The following KCNT2 variants were observed in gnomAD, a reference collection of about 807,000 sequenced individuals.
The protein encoded by KCNT2 is potassium sodium-activated channel subfamily T member 2.
A neutral mutation model predicts 153.8 loss-of-function variants in KCNT2; 67 were observed. The ratio of observed to expected loss-of-function variants is 0.44; its 90% confidence interval spans 0.36 to 0.53. The LOEUF (loss-of-function observed/expected upper bound fraction) is 0.53, where lower values mean the gene tolerates loss of function less well. KCNT2 is among the 20% of genes least tolerant of loss of function. The pLI, the probability that KCNT2 is intolerant of heterozygous loss-of-function variation, is 0.00. For synonymous variants in KCNT2, 500 were observed against 458.8 expected (o/e 1.09, Z -1.15); for missense variants, 975 against 1,354.8 (o/e 0.72, Z 4.40).
intron 26 of KCNT2, among the ~76,000 whole-genome samples, chr1:196,254,336 T>A (rs1310312703): frequency 6.6e-6 from 1 of 151,398 alleles, no homozygotes; most frequent in Non-Finnish European, 1.5e-5. Flanking sequence ...ACACACACAC[T>A]CATTTATATT....
At chr1:196,230,925 G>T (rs904317206) in intron 27 of KCNT2, among the ~76,000 whole-genome samples, 5 of 151,966 alleles carry the variant, frequency 3.3e-5, no homozygotes, top group Admixed American at 3.3e-4. Flanking sequence ...TTCAAAAGAA[G>T]TTCCACTTCG....
chr1:196,325,701 G>A (rs1002915228), intron 19 of KCNT2, among the ~76,000 whole-genome samples: 2 of 152,014 alleles, frequency 1.3e-5, no homozygotes, highest in Non-Finnish European at 2.9e-5. Context: ...TGCCAAAGAA[G>A]TATAGAAAAA....
intron 13 of KCNT2, among the ~76,000 whole-genome samples, chr1:196,391,888 A>G (rs772223110): frequency 6.6e-6 from 1 of 151,452 alleles, no homozygotes; most frequent in Non-Finnish European, 1.5e-5. Context: ...AAAGAAATAA[A>G]AAACATAAAT....
rs1227250394 is a variant in KCNT2, at chr1:196,226,127, A to G, written c.*2097T>C. On this transcript the variant is annotated 3_prime_UTR_variant, in exon 28 of 28. Coordinates refer to ENST00000294725, the MANE Select transcript of KCNT2 (RefSeq NM_198503.5). ...AACAAAATTTTTAGTTATATAGGAA[A>G]TATAATCATATCCTAGCTTAAAATC... 6.6e-6 allele frequency: 1 copy of G among 152,046 alleles called. No individual in the cohort carries two copies. Among genetic ancestry groups the G allele is most frequent in the Non-Finnish European group, 1.5e-5 (1 of 67,912 alleles). 9.4% of individuals were successfully genotyped at this position (152,046 alleles called of 1,614,324 possible).
chr1:196,571,777 G>T (rs1419010506), intron 1 of KCNT2, among the ~76,000 whole-genome samples: 1 of 152,026 alleles, frequency 6.6e-6, no homozygotes, highest in African/African-American at 2.4e-5. Flanking sequence ...CCACAGAAAG[G>T]GTCAGCTCAG....
chr1:196,316,093 G>C, intron 20 of KCNT2, 67 bp from the exon 21 acceptor site: 4 of 1,415,422 alleles, frequency 2.8e-6, no homozygotes, highest in Non-Finnish European at 3.9e-6. Flanking sequence ...CAGTGCTAAA[G>C]TCTAGCACTA....
In KCNT2 at chr1:196,429,545, A is replaced by G. The variant is rs185086150; in HGVS notation, c.819+32T>C. On this transcript the variant is annotated intron_variant, in intron 9 of 27. Coordinates refer to ENST00000294725, the MANE Select transcript of KCNT2 (RefSeq NM_198503.5). ...AGGATTCAATTTCATGTCTCTGTAC[A>G]TTTCTATGCAATATAAGATGGTTTT... The G allele has an allele frequency of 3.1e-4, 454 of 1,472,452 alleles. 3 individuals carry two copies. The East Asian group carries it at 8.9e-3, about 29-fold the overall frequency. 91.2% of individuals were successfully genotyped at this position (1,472,452 alleles called of 1,614,324 possible).
intron 8 of KCNT2, 30 bp from the exon 9 acceptor site, chr1:196,429,787 A>G (rs1315816124): frequency 1.3e-6 from 2 of 1,489,592 alleles, no homozygotes; most frequent in Non-Finnish European, 1.8e-6. Context: ...TTACAATTAA[A>G]TCTTTCAAAC....
At chr1:196,292,811 C>CAAAAAAAA (rs750026564) in intron 22 of KCNT2, among the ~76,000 whole-genome samples, 1 of 69,288 alleles carries the variant, frequency 1.4e-5, no homozygotes, top group Non-Finnish European at 2.7e-5. Flanking sequence ...GACTCTGTCT[C>CAAAAAAAA]AAAAAAAAAA....
intron 25 of KCNT2, among the ~76,000 whole-genome samples, chr1:196,277,413 T>C (rs918398779): frequency 1.3e-5 from 2 of 152,176 alleles, no homozygotes; most frequent in Non-Finnish European, 2.9e-5. Flanking sequence ...TCTGCTGAAG[T>C]GTAAAGCGTA....
rs1169270916 is a variant in KCNT2, at chr1:196,373,157, A to G, written c.1386T>C (p.Val462=). The part of the protein sequence containing the change: ...PATSTLITLL[V]HTSRGQEGQQ... The stretch of plus-strand genomic sequence containing the variant: ...ATACTTACTGCCCTCTAGAGGTATG[A>G]ACCAGTAGTGTAATAAGTGTAGATG... The change falls in exon 14 of 28, where the codon GTT becomes GTC. Residue 462 remains valine (V), a synonymous_variant. Transcript: ENST00000294725. 2 of 1,533,836 alleles carry G rather than the reference A, an allele frequency of 1.3e-6. No individual in the cohort carries two copies. The highest frequency in any genetic ancestry group is 2.3e-5 in the South Asian group (2 of 88,656).
At chr1:196,486,876 CAAAAACT>C in intron 3 of KCNT2, among the ~76,000 whole-genome samples, 1 of 151,710 alleles carries the variant, frequency 6.6e-6, no homozygotes, top group East Asian at 1.9e-4. Flanking sequence ...AATACACATC[CAAAAACT>C]AGGTGACCAA....
chr1:196,540,581 T>C (rs140554223), intron 1 of KCNT2, among the ~76,000 whole-genome samples: 60 of 152,252 alleles, frequency 3.9e-4, no homozygotes, highest in Admixed American at 2.6e-3. Context: ...TTTAAACACA[T>C]AAACATGAGC....
chr1:196,591,946 T>A (rs1277291160), intron 1 of KCNT2, among the ~76,000 whole-genome samples: 1 of 152,182 alleles, frequency 6.6e-6, no homozygotes, highest in Non-Finnish European at 1.5e-5. Context: ...TTTAATTATA[T>A]GTTTCTGTAA....
At chr1:196,518,754 C>A (rs1297212820) in intron 1 of KCNT2, among the ~76,000 whole-genome samples, 1 of 152,058 alleles carries the variant, frequency 6.6e-6, no homozygotes, top group African/African-American at 2.4e-5. Context: ...CATATGCAAC[C>A]AACACAGGAG....
At chr1:196,407,475 A>G (rs1384028419) in intron 12 of KCNT2, among the ~76,000 whole-genome samples, 2 of 151,488 alleles carry the variant, frequency 1.3e-5, no homozygotes, top group African/African-American at 4.8e-5. Context: ...TTTTGAAAAC[A>G]AGTCACTAAC....
chr1:196,334,690 G>A (rs1664837325), intron 16 of KCNT2, among the ~76,000 whole-genome samples: 1 of 151,874 alleles, frequency 6.6e-6, no homozygotes, highest in African/African-American at 2.4e-5. Flanking sequence ...TTTATTGAGT[G>A]CCACATATGG....
intron 1 of KCNT2, among the ~76,000 whole-genome samples, chr1:196,547,397 T>A (rs1657250371): frequency 6.6e-6 from 1 of 151,960 alleles, no homozygotes; most frequent in African/African-American, 2.4e-5. Context: ...GACACTTACT[T>A]TCTCATCCTT....
intron 1 of KCNT2, among the ~76,000 whole-genome samples, chr1:196,529,587 T>G (rs556238052): frequency 6.6e-6 from 1 of 152,230 alleles, no homozygotes; most frequent in Non-Finnish European, 1.5e-5. Context: ...GTTTTTATCA[T>G]TATTTTTTAA....
Sources: allele counts gnomAD v4.1 joint callset (sites outside exome capture counted in the v4.1 genomes callset), GRCh38; gene constraint gnomAD v4.1.1; transcripts MANE v1.5; gene names NCBI Gene and HGNC (gene_info 2026-07-23, HGNC 2026-07-21).